The following CDC6 variants were observed in gnomAD, a reference collection of about 807,000 sequenced individuals.
CDC6 encodes the protein DNA replication factor CDC6.
CDC6 carries 46 observed loss-of-function variants against 60.2 expected under a neutral mutation model. The observed-to-expected ratio is 0.76, with a 90% confidence interval of 0.60 to 0.98. The LOEUF (loss-of-function observed/expected upper bound fraction) is 0.98. CDC6 is among the 50% of genes least tolerant of loss of function. CDC6 has a pLI of 0.00. For synonymous variants in CDC6, 210 were observed against 233.2 expected (o/e 0.90, Z 0.90); for missense variants, 596 against 652.9 (o/e 0.91, Z 0.95).
Position 40,302,005 on chromosome 17 carries a change from C to A in CDC6, c.*4C>A, listed in dbSNP as rs1427013234. 1.3e-6 allele frequency: 2 copies of A among 1,499,800 alleles called. No individual in the cohort carries two copies. The highest frequency in any genetic ancestry group is 1.9e-6 in the Non-Finnish European group (2 of 1,075,694). The allele number at this position is 1,499,800 out of a possible 1,614,324, so 92.9% of individuals were successfully genotyped here. A position where few individuals can be genotyped will look rare whatever the true frequency, so the allele number is the denominator to read the frequency against. The stretch of plus-strand genomic sequence containing the variant: ...CTTAGCTACTGGATTGCCTTAAATT[C>A]TTCTCTTACACCCCACCCGAAAGTA... On this transcript the variant is annotated 3_prime_UTR_variant, in exon 12 of 12. Coordinates refer to ENST00000209728, the MANE Select transcript of CDC6 (RefSeq NM_001254.4).
rs909309827 is a variant in CDC6 at position 40,301,592 on chromosome 17, A to G, written c.1577A>G (p.Glu526Gly). The change falls in exon 11 of 12, where the codon GAA becomes GGA. Residue 526 changes from glutamate (E) to glycine (G), a missense_variant. By Grantham distance (98) the Glu-to-Gly change is moderately conservative. Transcript: ENST00000209728. ...ATTTTAGGATTAAAGAGAAACAAGG[A>G]AACCCGTTTGACAAAGGTACAACTG... ...RGILGLKRNK[E>G]TRLTKVFFKI... 1.9e-6 allele frequency: 3 copies of G among 1,614,066 alleles called. No individual in the cohort carries two copies. The highest frequency in any genetic ancestry group is 1.3e-5 in the African/African-American group (1 of 74,940).
At chr17:40,293,249 AAAAG>A (rs369074092) in intron 4 of CDC6, among the ~76,000 whole-genome samples, 9 of 152,342 alleles carry the variant, frequency 5.9e-5, no homozygotes, top group South Asian at 2.1e-4. Context: ...AAAGAAAAAA[AAAAG>A]AAAGAAAGAA....
At chr17:40,289,877 T>TTA (rs1165820640) in intron 2 of CDC6, among the ~76,000 whole-genome samples, 1 of 144,856 alleles carries the variant, frequency 6.9e-6, no homozygotes, top group East Asian at 2.0e-4. Context: ...CCTGGCTAAT[T>TTA]TTTTTTTTTT....
Position 40,296,757 on chromosome 17 carries a change from A to G in CDC6, c.1239A>G (p.Pro413=). The change falls in exon 9 of 12, where the codon CCA becomes CCG. Residue 413 remains proline, a synonymous_variant. Transcript: ENST00000209728. ...SDVKSQTILK[P]LSECKSPSEP... is the part of the protein sequence containing the mutation. ...TCAAAAGCCAGACTATTCTCAAACC[A>G]CTGTCTGAATGTAAGTAGTTTATCT... The G allele has an allele frequency of 6.3e-7, 1 of 1,596,936 alleles. No individual in the cohort carries two copies. Among genetic ancestry groups the G allele is most frequent in the African/African-American group, 1.3e-5 (1 of 74,708 alleles).
chr17:40,296,684 T>C lies in CDC6; in HGVS notation c.1185-19T>C. The C allele has an allele frequency of 6.6e-7, 1 of 1,515,536 alleles. No homozygotes were observed. The highest frequency in any genetic ancestry group is 9.2e-7 in the Non-Finnish European group (1 of 1,090,422). The allele number at this position is 1,515,536 out of a possible 1,614,324, so 93.9% of individuals were successfully genotyped here. A position where few individuals can be genotyped will look rare whatever the true frequency, so the allele number is the denominator to read the frequency against. ...TGGTTTGGCTCAGACTAAATTAATT[T>C]TAGAAATTTTTTTTATAGGAGAGCT... On this transcript the variant is annotated intron_variant, in intron 8 of 11. Coordinates refer to ENST00000209728, the MANE Select transcript of CDC6 (RefSeq NM_001254.4).
intron 9 of CDC6, among the ~76,000 whole-genome samples, chr17:40,297,008 G>T (rs2032868903): frequency 1.3e-5 from 2 of 152,106 alleles, no homozygotes; most frequent in African/African-American, 4.8e-5. Flanking sequence ...GACAGAGTAA[G>T]TTTTTTTTCC....
At chr17:40,299,904 A>G (rs1410589355) in intron 9 of CDC6, among the ~76,000 whole-genome samples, 1 of 152,064 alleles carries the variant, frequency 6.6e-6, no homozygotes, top group Non-Finnish European at 1.5e-5. Context: ...CAGCGACTTC[A>G]CTCTCCACAT....
chr17:40,293,762 T>TA (rs2143085793), intron 5 of CDC6, 131 bp downstream of exon 5: 1 of 899,064 alleles, frequency 1.1e-6, no homozygotes, highest in East Asian at 2.5e-5. Context: ...AGAAGGAAGA[T>TA]ACACCTAATT....
At chr17:40,294,537 C>G in intron 7 of CDC6, 34 bp downstream of exon 7, 1 of 1,602,578 alleles carries the variant, frequency 6.2e-7, no homozygotes, top group East Asian at 2.2e-5. Context: ...ATTATGTGTT[C>G]CTTGGATCAC....
chr17:40,300,812 C>G lies in CDC6; in HGVS notation c.1250-16C>G, dbSNP rs1290617184. 1 of 1,595,038 alleles carries G rather than the reference C, an allele frequency of 6.3e-7. No individual in the cohort carries two copies. The highest frequency in any genetic ancestry group is 8.6e-7 in the Non-Finnish European group (1 of 1,162,928). On this transcript the variant is annotated splice_polypyrimidine_tract_variant and intron_variant, in intron 9 of 11. Transcript: ENST00000209728. ...ATTTTAGAAATCGAATTAAGCTTGG[C>G]TTATTTACTTTATAGGTAAATCACC...
rs1177950375 is a variant in CDC6 at position 40,288,586 on chromosome 17, AT to A, written c.-14+512del. On this transcript the variant is annotated intron_variant, in intron 1 of 11. Coordinates refer to ENST00000209728, the MANE Select transcript of CDC6 (RefSeq NM_001254.4). ...AGGCGCCCGCCACCACGTCCGGCTA[AT>A]TTTTTTTTTTTTTTTGAGACGGAGT... Among the ~76,000 whole-genome samples the A allele has an allele frequency of 4.4e-3, 602 of 136,528 alleles. 2 individuals are homozygous for A. Among genetic ancestry groups the A allele is most frequent in the Middle Eastern group, 0.016 (4 of 256 alleles). 89.6% of individuals were successfully genotyped at this position (136,528 alleles called of 152,430 possible).
chr17:40,301,482 C>G lies in CDC6; in HGVS notation c.1467C>G (p.Tyr489Ter), dbSNP rs1269710544. ...EVTLGKLYEA[Y>*]SKVCRKQQVA... ...TTTCCTACCAGTTATATGAAGCCTA[C>G]AGTAAAGTCTGTCGCAAACAGCAGG... Residue 489 changes from tyrosine to a stop codon, truncating the protein, a stop_gained, in exon 11 of 12, where the codon TAC (tyrosine) becomes TAG (stop). Coordinates refer to ENST00000209728, the MANE Select transcript of CDC6 (RefSeq NM_001254.4). LOFTEE classifies it high-confidence loss of function. 6.2e-7 allele frequency: 1 copy of G among 1,614,016 alleles called. No homozygotes were observed. The highest frequency in any genetic ancestry group is 1.7e-5 in the Admixed American group (1 of 60,024).
rs2032944490 is a variant in CDC6, at chr17:40,301,824, A to G, written c.1594-88A>G. 9 of 1,038,644 alleles carry G rather than the reference A, an allele frequency of 8.7e-6. No homozygotes were observed. In the South Asian group the frequency reaches 1.2e-4, roughly 14 times the overall value. 64.3% of individuals were successfully genotyped at this position (1,038,644 alleles called of 1,614,324 possible). On this transcript the variant is annotated intron_variant, in intron 11 of 11. Coordinates refer to ENST00000209728, the MANE Select transcript of CDC6 (RefSeq NM_001254.4). Reference sequence around the variant, plus strand: ...TTTAACTTGCTTGCCTTTTGTGAGAAAAAGTTTAATATGGTAGAAGTTTGT... The same window carrying G: ...TTTAACTTGCTTGCCTTTTGTGAGAGAAAGTTTAATATGGTAGAAGTTTGT...
rs67162965 is a variant in CDC6, at chr17:40,299,138, C to CTTTT, written c.1250-1665_1250-1662dup. On this transcript the variant is annotated intron_variant, in intron 9 of 11. Coordinates refer to ENST00000209728, the MANE Select transcript of CDC6 (RefSeq NM_001254.4). ...CATCTCCAAACGATAAGGCCATAGT[C>CTTTT]TTTTTTTTTTTTTTTTTTTTTTTTT... Among the ~76,000 whole-genome samples the CTTTT allele has an allele frequency of 1.5e-3, 94 of 60,784 alleles. 22 individuals are homozygous for CTTTT. The highest frequency in any genetic ancestry group is 2.9e-3 in the African/African-American group (38 of 13,002). The allele number at this position is 60,784 out of a possible 152,430, so 39.9% of individuals were successfully genotyped here.
rs369378346 is a variant in CDC6 at position 40,289,636 on chromosome 17, C to T, written c.178+38C>T. On this transcript the variant is annotated intron_variant, in intron 2 of 11. Coordinates refer to ENST00000209728, the MANE Select transcript of CDC6 (RefSeq NM_001254.4). ...TTATATCACTTTTTCACTAGCAGCT[C>T]GTGACCTTTCTTTTCTTGGTAAGAT... 9.9e-6 allele frequency: 15 copies of T among 1,522,718 alleles called. 1 individual carries two copies. Among genetic ancestry groups the T allele is most frequent in the South Asian group, 3.4e-5 (3 of 89,214 alleles). 94.3% of individuals were successfully genotyped at this position (1,522,718 alleles called of 1,614,324 possible). A position where few individuals can be genotyped will look rare whatever the true frequency, so the allele number is the denominator to read the frequency against.
chr17:40,291,700 G>A, intron 4 of CDC6, 32 bp downstream of exon 4: 1 of 1,565,586 alleles, frequency 6.4e-7, no homozygotes, highest in Non-Finnish European at 8.8e-7. Context: ...TGATACTCTT[G>A]GTAAAATGAT....
chr17:40,289,516 C>G lies in CDC6; in HGVS notation c.96C>G (p.Ala32=). 6.2e-7 allele frequency: 1 copy of G among 1,613,864 alleles called. No individual in the cohort carries two copies. The highest frequency in any genetic ancestry group is 8.5e-7 in the Non-Finnish European group (1 of 1,179,946). ...ACAAAGCTAAAAACTCCAGTGATGC[C>G]AAACTAGAACCAACAAATGTCCAAA... ...ALNKAKNSSD[A]KLEPTNVQTV... is the part of the protein sequence containing the mutation. Residue 32 remains alanine, a synonymous_variant, in exon 2 of 12, where the codon GCC becomes GCG. Coordinates refer to ENST00000209728, the MANE Select transcript of CDC6 (RefSeq NM_001254.4).
rs143432368 is a variant in CDC6 at position 40,296,953 on chromosome 17, T to A, written c.1249+186T>A. ...GCCTGCCAGTACTATAGTTCGTGCA[T>A]TACTGGAAATGAGTTCCCAGGGTAT... On this transcript the variant is annotated intron_variant, in intron 9 of 11. Transcript: ENST00000209728. 3.3e-3 allele frequency among the ~76,000 whole-genome samples: 505 copies of A among 152,316 alleles called. 1 individual carries two copies. The highest frequency in any genetic ancestry group is 5.2e-3 in the Non-Finnish European group (357 of 68,034).
chr17:40,296,908 G>T (rs372885064), intron 9 of CDC6, 141 bp downstream of exon 9: 81 of 721,062 alleles, frequency 1.1e-4, no homozygotes, highest in African/African-American at 9.8e-4. Flanking sequence ...AGTCCGTTTC[G>T]TCTACTTTAT....
Sources: gnomAD v4.1 joint callset for allele counts (sites outside exome capture counted in the v4.1 genomes callset) on GRCh38, gnomAD v4.1.1 for gene constraint, MANE v1.5 for transcripts, NCBI Gene and HGNC (gene_info 2026-07-23, HGNC 2026-07-21) for gene names.